Variants in DGLUCY observed in about 807,000 individuals in gnomAD.
DGLUCY encodes the protein D-glutamate cyclase, mitochondrial.
In DGLUCY, 58 loss-of-function variants were observed where a neutral mutation model predicts 58.5. That is an observed-to-expected ratio of 0.99 (90% CI 0.80 to 1.23). The LOEUF is 1.23. Among genes scored for constraint, DGLUCY ranks in the 50% most tolerant of loss-of-function variants. The pLI, the probability that DGLUCY is intolerant of heterozygous loss-of-function variation, is 0.00. For missense variants in DGLUCY, 779 were observed against 784.7 expected (o/e 0.99, Z 0.09); for synonymous variants, 325 against 314.1 (o/e 1.03, Z -0.37).
intron 1 of DGLUCY, among the ~76,000 whole-genome samples, chr14:91,069,842 G>A (rs2043887158): frequency 7.3e-6 from 1 of 136,830 alleles, no homozygotes; most frequent in African/African-American, 2.7e-5. Flanking sequence ...GTGCAGTTGT[G>A]CAATCTTGGC....
rs1416432184 is a variant in DGLUCY at position 91,221,679 on chromosome 14, C to T, written c.1717-3005C>T. On this transcript the variant is annotated intron_variant, in intron 13 of 13. Transcript: ENST00000256324. Reference sequence around the variant, plus strand: ...GGGTGATGCAGAGAGGCAGGAACAGCCTCGGGCCTCATTCTGGGCTCCCAT... The same window carrying T: ...GGGTGATGCAGAGAGGCAGGAACAGTCTCGGGCCTCATTCTGGGCTCCCAT... Among the ~76,000 whole-genome samples the T allele has an allele frequency of 2.0e-5, 3 of 152,262 alleles. No homozygotes were observed. In the East Asian group the frequency reaches 5.8e-4, roughly 29 times the overall value.
Position 91,215,659 on chromosome 14 carries a change from C to T in DGLUCY, c.1716+103C>T, listed in dbSNP as rs565156569. 1.1e-4 allele frequency: 170 copies of T among 1,597,656 alleles called. No individual in the cohort carries two copies. The Admixed American group carries it at 1.3e-3, about 12-fold the overall frequency. ...TAAGCCGAGGGCTGGCACCCTGCTG[C>T]CCCTCAAAAGCCAGAGGCAGAGCCA... On this transcript the variant is annotated intron_variant, in intron 13 of 13. Coordinates refer to ENST00000256324, the MANE Select transcript of DGLUCY (RefSeq NM_001102368.3).
intron 12 of DGLUCY, among the ~76,000 whole-genome samples, chr14:91,207,203 T>A (rs1009975623): frequency 7.2e-6 from 1 of 139,290 alleles, no homozygotes; most frequent in African/African-American, 2.7e-5. Context: ...GATCAATAAC[T>A]CTGTAACAGA....
chr14:91,194,188 C>T (rs987085366), intron 9 of DGLUCY, among the ~76,000 whole-genome samples: 3 of 152,186 alleles, frequency 2.0e-5, no homozygotes, highest in East Asian at 1.9e-4. Context: ...ATTGCCCTGT[C>T]GCGGTAGTCC....
chr14:91,127,716 A>G (rs2045789707), intron 1 of DGLUCY, among the ~76,000 whole-genome samples: 1 of 152,236 alleles, frequency 6.6e-6, no homozygotes, highest in African/African-American at 2.4e-5. Flanking sequence ...AGCCTGGGGC[A>G]GGGAATCTGA....
chr14:91,065,992 C>G (rs1309284648), intron 1 of DGLUCY, among the ~76,000 whole-genome samples: 1 of 152,192 alleles, frequency 6.6e-6, no homozygotes, highest in Non-Finnish European at 1.5e-5. Context: ...AAGGCTGAGA[C>G]AGAGAGGTTG....
rs1157452694 is a variant in DGLUCY at position 91,173,417 on chromosome 14, A to C, written c.585A>C (p.Gln195His). ...GCTCCCTCGGAGGTGAGCAGGGGCA[A>C]CCTGTTCACATGGGCGACCCAGGTC... ...ACCSLGGEQGQPVHMGDPELL... is the reference protein window; with the variant it reads ...ACCSLGGEQGHPVHMGDPELL... Residue 195 changes from glutamine to histidine, a missense_variant, in exon 6 of 14, where the codon CAA (glutamine) becomes CAC (histidine). Coordinates refer to ENST00000256324, the MANE Select transcript of DGLUCY (RefSeq NM_001102368.3). 6.2e-7 allele frequency: 1 copy of C among 1,607,490 alleles called. No individual in the cohort carries two copies. Among genetic ancestry groups the C allele is most frequent in the East Asian group, 2.2e-5 (1 of 44,848 alleles).
At chr14:91,169,467 T>A (rs1276013751) in intron 4 of DGLUCY, among the ~76,000 whole-genome samples, 3 of 151,852 alleles carry the variant, frequency 2.0e-5, no homozygotes, top group African/African-American at 7.3e-5. Context: ...AGTAGTGCAG[T>A]GGCACGATCT....
rs1254979959 is a variant in DGLUCY, at chr14:91,074,313, AT to A, written c.-82+13610del. On this transcript the variant is annotated intron_variant, in intron 1 of 4. Transcript: ENST00000521334. ...CTGTCTCAAAAAAAAAAAAAAAAAAATATATATATATATATATAAACCGAGT... is the reference window on the plus strand; with the variant it reads ...CTGTCTCAAAAAAAAAAAAAAAAAAAATATATATATATATATAAACCGAGT... Among the ~76,000 whole-genome samples the A allele has an allele frequency of 1.9e-3, 209 of 111,540 alleles. 1 individual carries two copies. The highest frequency in any genetic ancestry group is 3.8e-3 in the African/African-American group (105 of 27,438). The allele number at this position is 111,540 out of a possible 152,430, so 73.2% of individuals were successfully genotyped here. A position where few individuals can be genotyped will look rare whatever the true frequency, so the allele number is the denominator to read the frequency against.
chr14:91,067,820 G>A (rs1299964042), intron 1 of DGLUCY, among the ~76,000 whole-genome samples: 1 of 152,036 alleles, frequency 6.6e-6, no homozygotes, highest in Non-Finnish European at 1.5e-5. Flanking sequence ...AAAATGCTGG[G>A]ATTACAGGCC....
chr14:91,073,945 C>T (rs146206292), intron 1 of DGLUCY, among the ~76,000 whole-genome samples: 1 of 151,566 alleles, frequency 6.6e-6, no homozygotes, highest in East Asian at 1.9e-4. Context: ...ATATAGCAAA[C>T]CCCCATCTCT....
At chr14:91,224,130 G>A (rs1369178276) in intron 13 of DGLUCY, among the ~76,000 whole-genome samples, 4 of 152,186 alleles carry the variant, frequency 2.6e-5, no homozygotes, top group Admixed American at 2.0e-4. Flanking sequence ...GGGGCCTTTG[G>A]CACAAAGACT....
In DGLUCY at chr14:91,170,191, G is replaced by C; in HGVS notation, c.446G>C (p.Gly149Ala). 3.7e-6 allele frequency: 6 copies of C among 1,613,462 alleles called. No individual in the cohort carries two copies. The highest frequency in any genetic ancestry group is 5.1e-6 in the Non-Finnish European group (6 of 1,179,874). ...GACCCAGCAGGTCACAGCCAGGCGG[G>C]TGCATACAAGGTAGGGACACAGCCC... ...RRDPAGHSQAGAYKTTVPCVT... is the reference protein window; with the variant it reads ...RRDPAGHSQAAAYKTTVPCVT... Residue 149 changes from glycine (G) to alanine (A), a missense_variant, in exon 5 of 14, where the codon GGT becomes GCT. Physicochemically the swap from Gly to Ala is moderately conservative, Grantham distance 60. Coordinates refer to ENST00000256324, the MANE Select transcript of DGLUCY (RefSeq NM_001102368.3).
At position 91,191,253 on chromosome 14, in the gene DGLUCY, C is replaced by T. The variant is rs370464505; in HGVS notation, c.1195+2083C>T. ...ATATGACGTGCCTAGAGTAGGCAAA[C>T]TCACAGGGCAGAAAGTAGAATGGTG... On this transcript the variant is annotated intron_variant, in intron 9 of 13. Transcript: ENST00000256324. Among the ~76,000 whole-genome samples, 4 of 152,150 alleles carry T rather than the reference C, an allele frequency of 2.6e-5. No individual in the cohort carries two copies. The East Asian group carries it at 5.8e-4, about 22-fold the overall frequency.
At chr14:91,144,759 A>G (rs1314965774) in intron 1 of DGLUCY, among the ~76,000 whole-genome samples, 1 of 152,194 alleles carries the variant, frequency 6.6e-6, no homozygotes. Context: ...AGCCACAAAG[A>G]TCACAACAGG....
rs184843202 is a variant in DGLUCY, at chr14:91,132,012, T to C, written c.-82+17729T>C. 3.3e-5 allele frequency among the ~76,000 whole-genome samples: 5 copies of C among 152,286 alleles called. No individual in the cohort carries two copies. The East Asian group carries it at 9.6e-4, about 29-fold the overall frequency. On this transcript the variant is annotated intron_variant, in intron 1 of 13. Transcript: ENST00000256324. ...TTCTCCATGTTCGTCAGGCTGATCT[T>C]AAACTCCTGACCTCAGGTGATCTGC...
At chr14:91,156,195 C>A (rs994860002) in intron 1 of DGLUCY, among the ~76,000 whole-genome samples, 1 of 151,382 alleles carries the variant, frequency 6.6e-6, no homozygotes, top group Admixed American at 6.6e-5. Flanking sequence ...CTCACTGCAA[C>A]CTCCGCCTCC....
In DGLUCY at chr14:91,163,612, C is replaced by T. The variant is rs548979735; in HGVS notation, c.103+3215C>T. 1.7e-4 allele frequency among the ~76,000 whole-genome samples: 26 copies of T among 152,254 alleles called. No individual in the cohort carries two copies. In the Middle Eastern group the frequency reaches 0.01, roughly 60 times the overall value. On this transcript the variant is annotated intron_variant, in intron 3 of 13. Transcript: ENST00000256324. Reference sequence around the variant, plus strand: ...ACTCCCCAGTCCCCATGGAGGACGGCGCTCCCCTCCTAGGGAAACCCAGTG... The same window carrying T: ...ACTCCCCAGTCCCCATGGAGGACGGTGCTCCCCTCCTAGGGAAACCCAGTG...
intron 10 of DGLUCY, among the ~76,000 whole-genome samples, 183 bp from the exon 11 acceptor site, chr14:91,199,574 A>T (rs1368025379): frequency 6.6e-6 from 1 of 152,046 alleles, no homozygotes; most frequent in Non-Finnish European, 1.5e-5. Flanking sequence ...TCTTAAACTG[A>T]CTTAATAGAC....
Sources: allele counts gnomAD v4.1 joint callset (sites outside exome capture counted in the v4.1 genomes callset), GRCh38; gene constraint gnomAD v4.1.1; transcripts MANE v1.5; gene names NCBI Gene and HGNC (gene_info 2026-07-23, HGNC 2026-07-21).